The following UBE2H variants were observed in gnomAD, a reference collection of about 807,000 sequenced individuals.
UBE2H encodes ubiquitin-conjugating enzyme E2 H.
A neutral mutation model predicts 29.0 loss-of-function variants in UBE2H; 3 were observed. That is an observed-to-expected ratio of 0.10 (90% CI 0.05 to 0.27). The LOEUF (loss-of-function observed/expected upper bound fraction) is 0.27. UBE2H is among the 10% of genes least tolerant of loss of function. The pLI is 1.00. For missense variants in UBE2H, 68 were observed against 228.2 expected, an observed-to-expected ratio of 0.30 and a Z score of 4.52; for synonymous variants, 69 against 82.9, an observed-to-expected ratio of 0.83 and a Z score of 0.91.
chr7:129,915,364 G>A (rs1382223845), intron 1 of UBE2H, among the ~76,000 whole-genome samples: 1 of 151,908 alleles, frequency 6.6e-6, no homozygotes, highest in Admixed American at 6.6e-5. Flanking sequence ...GTGGAACCCC[G>A]TCCACTAAAA....
At chr7:129,887,803 A>G (rs80256315) in intron 1 of UBE2H, among the ~76,000 whole-genome samples, 9,646 of 152,098 alleles carry the variant, frequency 0.063, 369 homozygotes, top group Non-Finnish European at 0.091. Flanking sequence ...GGAGGCGGAG[A>G]TTACGGTGAG....
intron 3 of UBE2H, among the ~76,000 whole-genome samples, chr7:129,871,758 T>A (rs542319262): frequency 6.6e-6 from 1 of 151,722 alleles, no homozygotes; most frequent in Non-Finnish European, 1.5e-5. Context: ...GTAGCCATTA[T>A]GTAACTGTTT....
chr7:129,851,519 A>C (rs146920563), intron 5 of UBE2H, among the ~76,000 whole-genome samples: 1 of 152,386 alleles, frequency 6.6e-6, no homozygotes, highest in East Asian at 1.9e-4. Flanking sequence ...CCAAGTGTCC[A>C]TACGCTGGGA....
At chr7:129,846,563 C>A (rs1488998386) in intron 5 of UBE2H, among the ~76,000 whole-genome samples, 1 of 18,626 alleles carries the variant, frequency 5.4e-5, no homozygotes, top group Non-Finnish European at 1.8e-4. Context: ...CTCTCTACCA[C>A]CCCCCACTCA....
At chr7:129,860,430 A>T (rs1458239546) in intron 3 of UBE2H, among the ~76,000 whole-genome samples, 1 of 152,246 alleles carries the variant, frequency 6.6e-6, no homozygotes, top group East Asian at 1.9e-4. Flanking sequence ...TTATGAAGAC[A>T]TTTTAATAAT....
intron 3 of UBE2H, among the ~76,000 whole-genome samples, chr7:129,867,996 A>G (rs1805948727): frequency 6.6e-6 from 1 of 152,148 alleles, no homozygotes; most frequent in Non-Finnish European, 1.5e-5. Flanking sequence ...ATATAAGCAA[A>G]TCTCAAACTG....
chr7:129,881,027 C>G, intron 1 of UBE2H, 56 bp from the exon 2 acceptor site: 1 of 1,498,952 alleles, frequency 6.7e-7, no homozygotes, highest in South Asian at 1.2e-5. Context: ...GCAGAATTAC[C>G]AATAACACCC....
intron 5 of UBE2H, among the ~76,000 whole-genome samples, chr7:129,841,680 T>C (rs1805431939): frequency 6.6e-6 from 1 of 152,206 alleles, no homozygotes; most frequent in African/African-American, 2.4e-5. Context: ...ACAGAGCAGC[T>C]CTGCCTTACA....
chr7:129,838,510 G>T (rs966903762), intron 6 of UBE2H, among the ~76,000 whole-genome samples: 2 of 152,026 alleles, frequency 1.3e-5, no homozygotes, highest in African/African-American at 4.8e-5. Flanking sequence ...AAAGCAGCAG[G>T]TATATTTCAC....
intron 5 of UBE2H, among the ~76,000 whole-genome samples, chr7:129,854,067 T>TTTTTTTTTTTTTTTTTTTTTA (rs1563022979): frequency 1.3e-5 from 2 of 148,780 alleles, no homozygotes; most frequent in Non-Finnish European, 3.0e-5. Flanking sequence ...TTAGTTTTTT[T>TTTTTTTTTTTTTTTTTTTTTA]TTTTTTTTTT....
chr7:129,951,968 G>A lies in UBE2H; in HGVS notation c.53+535C>T, dbSNP rs1032828929. On this transcript the variant is annotated intron_variant, in intron 1 of 6. Transcript: ENST00000355621. ...ACAGAGCTCTTTCTTAGAAGAGGGG[G>A]CCCTGAGCAGGAGACTCTCTTCCTA... Among the ~76,000 whole-genome samples the A allele has an allele frequency of 8.5e-5, 13 of 152,260 alleles. No homozygotes were observed. In the South Asian group the frequency reaches 1.5e-3, roughly 17 times the overall value.
At chr7:129,937,653 GC>G (rs929146281) in intron 1 of UBE2H, among the ~76,000 whole-genome samples, 3 of 152,198 alleles carry the variant, frequency 2.0e-5, no homozygotes, top group African/African-American at 7.2e-5. Context: ...CACTTTAGCT[GC>G]CTTTCTTCAC....
At position 129,936,360 on chromosome 7, in the gene UBE2H, C is replaced by T. The variant is rs986739126; in HGVS notation, c.53+16143G>A. On this transcript the variant is annotated intron_variant, in intron 1 of 6. Transcript: ENST00000355621. The stretch of plus-strand genomic sequence containing the variant: ...CTGTAATCCCAGTACTTTGGGAGGC[C>T]GAGGCGGGCAGATCACGAGGTCAGG... Among the ~76,000 whole-genome samples, 23 of 152,056 alleles carry T rather than the reference C, an allele frequency of 1.5e-4. No homozygotes were observed. The South Asian group carries it at 2.7e-3, about 18-fold the overall frequency.
intron 3 of UBE2H, among the ~76,000 whole-genome samples, chr7:129,860,999 A>G (rs1805790534): frequency 6.6e-6 from 1 of 152,196 alleles, no homozygotes; most frequent in Non-Finnish European, 1.5e-5. Flanking sequence ...AGGTGGGTGG[A>G]TCACCTGAGG....
intron 1 of UBE2H, among the ~76,000 whole-genome samples, chr7:129,947,789 T>C (rs557674407): frequency 3.3e-5 from 5 of 152,066 alleles, no homozygotes; most frequent in Non-Finnish European, 7.4e-5. Flanking sequence ...TGACCACCCA[T>C]ACTGAATTTT....
chr7:129,939,050 T>C (rs1047958286), intron 1 of UBE2H, among the ~76,000 whole-genome samples: 3 of 152,154 alleles, frequency 2.0e-5, no homozygotes, highest in Admixed American at 6.6e-5. Flanking sequence ...CTATCCGCCT[T>C]GGCGTCCCAA....
chr7:129,844,945 G>A (rs1033848704), intron 5 of UBE2H, among the ~76,000 whole-genome samples: 2 of 152,122 alleles, frequency 1.3e-5, no homozygotes, highest in South Asian at 4.1e-4. Flanking sequence ...CCTGGCCAAC[G>A]TGGCAAAACC....
At chr7:129,908,608 C>T (rs1190778506) in intron 1 of UBE2H, among the ~76,000 whole-genome samples, 2 of 152,230 alleles carry the variant, frequency 1.3e-5, no homozygotes, top group African/African-American at 4.8e-5. Flanking sequence ...CAGTCAGTCA[C>T]TTAAGAATAA....
At chr7:129,872,514 A>AAG (rs1806059390) in intron 3 of UBE2H, among the ~76,000 whole-genome samples, 2 of 152,114 alleles carry the variant, frequency 1.3e-5, no homozygotes, top group South Asian at 2.1e-4. Flanking sequence ...AGATTAATGC[A>AAG]GTTCCCTTTA....
Sources: gnomAD v4.1 joint callset for allele counts (sites outside exome capture counted in the v4.1 genomes callset) on GRCh38, gnomAD v4.1.1 for gene constraint, MANE v1.5 for transcripts, NCBI Gene and HGNC (gene_info 2026-07-23, HGNC 2026-07-21) for gene names.